The following TMEM135 variants were observed in gnomAD, a reference collection of about 807,000 sequenced individuals.
The protein encoded by TMEM135 is transmembrane protein 135.
In TMEM135, 30 loss-of-function variants were observed where a neutral mutation model predicts 60.3. The observed-to-expected ratio is 0.50, with a 90% CI of 0.37 to 0.68. The LOEUF (loss-of-function observed/expected upper bound fraction) is 0.68, where lower values mean the gene tolerates loss of function less well. Ranked by LOEUF, TMEM135 falls within the 30% of genes least tolerant of loss-of-function variation. The pLI, the probability that TMEM135 is intolerant of heterozygous loss-of-function variation, is 0.00. For synonymous variants in TMEM135, 190 were observed against 186.7 expected (o/e 1.02, Z -0.14); for missense variants, 468 against 548.8 (o/e 0.85, Z 1.47).
At chr11:87,303,970 G>A (rs1942491320) in intron 8 of TMEM135, among the ~76,000 whole-genome samples, 2 of 152,164 alleles carry the variant, frequency 1.3e-5, no homozygotes, top group South Asian at 4.1e-4. Context: ...CAGAAGCAAA[G>A]CAAATAATAC....
At chr11:87,247,412 A>G (rs2135386520) in intron 6 of TMEM135, among the ~76,000 whole-genome samples, 1 of 152,306 alleles carries the variant, frequency 6.6e-6, no homozygotes, top group East Asian at 1.9e-4. Context: ...TTAAGTCTGC[A>G]CAGGTTACTG....
At chr11:87,306,544 G>C (rs1472171822) in intron 9 of TMEM135, among the ~76,000 whole-genome samples, 1 of 151,980 alleles carries the variant, frequency 6.6e-6, no homozygotes, top group African/African-American at 2.4e-5. Context: ...AACTATGCCT[G>C]GCATAAATTC....
chr11:87,204,181 G>C (rs1287040579), intron 5 of TMEM135, among the ~76,000 whole-genome samples: 1 of 151,656 alleles, frequency 6.6e-6, no homozygotes, highest in African/African-American at 2.4e-5. Context: ...TATCTAAAAT[G>C]GTTCTCTCTG....
chr11:87,222,910 C>G lies in TMEM135; in HGVS notation c.463-13728C>G, dbSNP rs1446171582. ...ACTTTTGTAAGTATTTTGCAAAACTCTATTCAACATCGTTACATCTTGTAG... is the reference window on the plus strand; with the variant it reads ...ACTTTTGTAAGTATTTTGCAAAACTGTATTCAACATCGTTACATCTTGTAG... On this transcript the variant is annotated intron_variant, in intron 5 of 14. Coordinates refer to ENST00000305494, the MANE Select transcript of TMEM135 (RefSeq NM_022918.4). Among the ~76,000 whole-genome samples the G allele has an allele frequency of 3.9e-5, 6 of 152,150 alleles. No homozygotes were observed. In the South Asian group the frequency reaches 1.0e-3, roughly 26 times the overall value.
At chr11:87,136,551 A>G (rs1257563566) in intron 4 of TMEM135, among the ~76,000 whole-genome samples, 1 of 152,060 alleles carries the variant, frequency 6.6e-6, no homozygotes, top group Non-Finnish European at 1.5e-5. Flanking sequence ...TCAAATTCCT[A>G]GGTGAGTTTT....
At chr11:87,232,914 G>A (rs1413680538) in intron 5 of TMEM135, among the ~76,000 whole-genome samples, 1 of 152,148 alleles carries the variant, frequency 6.6e-6, no homozygotes, top group Non-Finnish European at 1.5e-5. Flanking sequence ...ACTTTCAGAG[G>A]CCAAGGTGGG....
intron 3 of TMEM135, among the ~76,000 whole-genome samples, chr11:87,080,018 T>C (rs141239707): frequency 6.6e-6 from 1 of 151,418 alleles, no homozygotes; most frequent in African/African-American, 2.4e-5. Flanking sequence ...ATTTTTGTAT[T>C]TTTAGTGGAG....
At chr11:87,211,828 C>T (rs1565487847) in intron 5 of TMEM135, among the ~76,000 whole-genome samples, 2 of 152,078 alleles carry the variant, frequency 1.3e-5, no homozygotes, top group Non-Finnish European at 2.9e-5. Flanking sequence ...CCTGTAGTCC[C>T]AGCTACTCGG....
At chr11:87,067,652 A>G in intron 1 of TMEM135, 42 bp from the exon 2 acceptor site, 1 of 1,611,164 alleles carries the variant, frequency 6.2e-7, no homozygotes, top group Non-Finnish European at 8.5e-7. Flanking sequence ...TTTAAGTGGG[A>G]AATGTTGGTT....
At chr11:87,085,793 G>C (rs574070579) in intron 3 of TMEM135, among the ~76,000 whole-genome samples, 1 of 152,150 alleles carries the variant, frequency 6.6e-6, no homozygotes, top group Non-Finnish European at 1.5e-5. Flanking sequence ...TAATTTAGTA[G>C]TGCAAAGATT....
intron 7 of TMEM135, among the ~76,000 whole-genome samples, chr11:87,296,325 T>C (rs969801711): frequency 1.3e-5 from 2 of 152,206 alleles, no homozygotes; most frequent in Non-Finnish European, 2.9e-5. Context: ...TTATATTTTA[T>C]AGTTCACCAA....
intron 6 of TMEM135, among the ~76,000 whole-genome samples, chr11:87,251,058 G>A (rs931469111): frequency 1.3e-5 from 2 of 152,110 alleles, no homozygotes; most frequent in African/African-American, 4.8e-5. Context: ...TATAAAATAG[G>A]AAAAATGTGT....
chr11:87,070,305 C>T (rs1434896038), intron 2 of TMEM135, among the ~76,000 whole-genome samples: 1 of 152,082 alleles, frequency 6.6e-6, no homozygotes, highest in Admixed American at 6.6e-5. Context: ...TTCTTAGGAA[C>T]ATATGTTTTC....
chr11:87,200,062 G>A (rs1039620966), intron 5 of TMEM135, among the ~76,000 whole-genome samples: 1 of 152,098 alleles, frequency 6.6e-6, no homozygotes, highest in Admixed American at 6.5e-5. Flanking sequence ...GCTTCTTTCT[G>A]TAAGTTTCAT....
intron 4 of TMEM135, chr11:87,121,014 A>C (rs1858042996): frequency 6.6e-6 from 1 of 152,236 alleles, no homozygotes; most frequent in African/African-American, 2.4e-5. Context: ...GTACCATTCA[A>C]TATGTACATT....
At chr11:87,186,255 C>A (rs986958619) in intron 5 of TMEM135, among the ~76,000 whole-genome samples, 5 of 152,100 alleles carry the variant, frequency 3.3e-5, no homozygotes, top group Non-Finnish European at 7.4e-5. Context: ...CCAGTGGAAA[C>A]CTCTACAAGT....
chr11:87,183,678 A>G (rs925509402), intron 5 of TMEM135, among the ~76,000 whole-genome samples: 1 of 151,946 alleles, frequency 6.6e-6, no homozygotes, highest in Non-Finnish European at 1.5e-5. Flanking sequence ...AATTCTGGCC[A>G]GGTGCGGTGG....
In TMEM135 at chr11:87,326,092, T is replaced by A. The variant is rs1432195262; in HGVS notation, c.*4759T>A. ...TACTATAGCTTGCCTGTTCAGTTTTTTTTTTTTTTAATATTCAGTTTTGTG... is the reference window on the plus strand; with the variant it reads ...TACTATAGCTTGCCTGTTCAGTTTTATTTTTTTTTAATATTCAGTTTTGTG... On this transcript the variant is annotated 3_prime_UTR_variant, in exon 15 of 15. Transcript: ENST00000305494. 2.2e-6 allele frequency: 1 copy of A among 453,964 alleles called. No individual in the cohort carries two copies. The highest frequency in any genetic ancestry group is 4.4e-6 in the Non-Finnish European group (1 of 226,750). 28.1% of individuals were successfully genotyped at this position (453,964 alleles called of 1,614,324 possible).
intron 3 of TMEM135, among the ~76,000 whole-genome samples, chr11:87,073,987 A>G (rs1342436274): frequency 2.6e-5 from 4 of 151,698 alleles, no homozygotes; most frequent in Non-Finnish European, 5.9e-5. Context: ...TTTTTTTGGG[A>G]CAGAGTCTCA....
Sources: gnomAD v4.1 joint callset for allele counts (sites outside exome capture counted in the v4.1 genomes callset) on GRCh38, gnomAD v4.1.1 for gene constraint, MANE v1.5 for transcripts, NCBI Gene and HGNC (gene_info 2026-07-23, HGNC 2026-07-21) for gene names.